IMMP1L: variants seen among roughly 807,000 people sequenced by gnomAD.
IMMP1L encodes inner mitochondrial membrane peptidase subunit 1.
IMMP1L carries 24 observed loss-of-function variants against 21.8 expected under a neutral mutation model. That is an observed-to-expected ratio of 1.10 (90% confidence interval 0.80 to 1.55). The LOEUF (loss-of-function observed/expected upper bound fraction) is 1.55, where lower values mean the gene tolerates loss of function less well. IMMP1L is among the 40% of genes most tolerant of loss of function. The pLI is 0.00. For synonymous variants in IMMP1L, 46 were observed against 62.8 expected, an observed-to-expected ratio of 0.73 and a Z score of 1.26; for missense variants, 195 against 200.7, an observed-to-expected ratio of 0.97 and a Z score of 0.17.
At chr11:31,449,212 T>C in intron 4 of IMMP1L, 1 of 315,346 alleles carries the variant, frequency 3.2e-6, no homozygotes, top group Non-Finnish European at 4.6e-6. Flanking sequence ...ACACAAGCCC[T>C]TTCAATCTGA....
intron 4 of IMMP1L, among the ~76,000 whole-genome samples, chr11:31,436,167 C>G (rs187588832): frequency 1.3e-5 from 2 of 152,030 alleles, no homozygotes; most frequent in East Asian, 1.9e-4. Flanking sequence ...AAACATTTTT[C>G]CCAATCTATT....
At chr11:31,489,915 T>G (rs1406140890) in intron 1 of IMMP1L, among the ~76,000 whole-genome samples, 2 of 152,228 alleles carry the variant, frequency 1.3e-5, no homozygotes, top group Non-Finnish European at 2.9e-5. Context: ...TAAATTGTAT[T>G]TGTTATTCAT....
At chr11:31,496,726 C>T (rs905732247) in intron 1 of IMMP1L, among the ~76,000 whole-genome samples, 1 of 148,214 alleles carries the variant, frequency 6.7e-6, no homozygotes, top group African/African-American at 2.5e-5. Context: ...CATCCTAATG[C>T]TAAATGATGT....
At chr11:31,434,538 T>G (rs1165538844) in intron 4 of IMMP1L, among the ~76,000 whole-genome samples, 1 of 152,156 alleles carries the variant, frequency 6.6e-6, no homozygotes, top group East Asian at 1.9e-4. Context: ...TTTGACTGGT[T>G]TTACTTGTAA....
intron 1 of IMMP1L, among the ~76,000 whole-genome samples, chr11:31,464,053 C>T (rs1342803928): frequency 6.6e-6 from 1 of 151,996 alleles, no homozygotes; most frequent in Non-Finnish European, 1.5e-5. Context: ...ATGTATCATG[C>T]ATTTCTTAAC....
At chr11:31,453,077 C>T (rs1356654617) in intron 4 of IMMP1L, 1 of 1,289,382 alleles carries the variant, frequency 7.8e-7, no homozygotes, top group African/African-American at 1.5e-5. Flanking sequence ...ATAGGAACTG[C>T]TTAGTTTCCA....
intron 1 of IMMP1L, among the ~76,000 whole-genome samples, chr11:31,493,729 G>C (rs2133799925): frequency 6.6e-6 from 1 of 152,300 alleles, no homozygotes; most frequent in Non-Finnish European, 1.5e-5. Flanking sequence ...GATACAACAA[G>C]GGTACAAGCG....
chr11:31,440,713 T>C (rs958655088), intron 4 of IMMP1L, among the ~76,000 whole-genome samples: 1 of 152,174 alleles, frequency 6.6e-6, no homozygotes, highest in African/African-American at 2.4e-5. Context: ...TTTAGCATAC[T>C]TGCAACAATA....
chr11:31,491,913 T>G (rs1565008492), intron 1 of IMMP1L, among the ~76,000 whole-genome samples: 1 of 152,208 alleles, frequency 6.6e-6, no homozygotes, highest in African/African-American at 2.4e-5. Context: ...TATAAACACA[T>G]GTGCTGTCAC....
chr11:31,481,164 T>C (rs2133752334), intron 1 of IMMP1L, among the ~76,000 whole-genome samples: 1 of 152,252 alleles, frequency 6.6e-6, no homozygotes, highest in East Asian at 1.9e-4. Context: ...GTTCAGCAGA[T>C]GACAGCCAAA....
chr11:31,474,990 C>T (rs551464254), intron 1 of IMMP1L, among the ~76,000 whole-genome samples: 35 of 152,180 alleles, frequency 2.3e-4, no homozygotes, highest in African/African-American at 8.2e-4. Context: ...AGGACTTTGT[C>T]CTGTCCTTTA....
chr11:31,491,028 A>G (rs1298564877), intron 1 of IMMP1L, among the ~76,000 whole-genome samples: 2 of 152,156 alleles, frequency 1.3e-5, no homozygotes, highest in African/African-American at 4.8e-5. Flanking sequence ...TTCATAATAA[A>G]CATAGCTGAC....
chr11:31,489,265 T>A (rs1955180389), intron 1 of IMMP1L, among the ~76,000 whole-genome samples: 1 of 152,216 alleles, frequency 6.6e-6, no homozygotes, highest in African/African-American at 2.4e-5. Flanking sequence ...CTTTTCAGTG[T>A]CTGCCACAAA....
intron 1 of IMMP1L, among the ~76,000 whole-genome samples, chr11:31,488,969 T>C (rs1035333391): frequency 6.6e-6 from 1 of 152,096 alleles, no homozygotes; most frequent in Admixed American, 6.6e-5. Flanking sequence ...CAATCTCGGC[T>C]CACTGCAAGC....
chr11:31,438,425 T>TCTTTG (rs1398791371), intron 4 of IMMP1L, among the ~76,000 whole-genome samples: 4 of 152,150 alleles, frequency 2.6e-5, no homozygotes, highest in African/African-American at 9.7e-5. Context: ...TTACCATGGA[T>TCTTTG]ACAAGTCCTT....
chr11:31,494,821 A>G (rs1413925817), intron 1 of IMMP1L, among the ~76,000 whole-genome samples: 1 of 151,866 alleles, frequency 6.6e-6, no homozygotes, highest in Admixed American at 6.6e-5. Context: ...AATTTTTTGT[A>G]TTTTTAGTAG....
chr11:31,478,113 T>C (rs1326595969), intron 1 of IMMP1L, among the ~76,000 whole-genome samples: 1 of 152,202 alleles, frequency 6.6e-6, no homozygotes, highest in Non-Finnish European at 1.5e-5. Context: ...TAGGTGAAGA[T>C]TAGAACTTTG....
At chr11:31,497,114 T>C (rs1159162653) in intron 1 of IMMP1L, among the ~76,000 whole-genome samples, 1 of 151,506 alleles carries the variant, frequency 6.6e-6, no homozygotes, top group Non-Finnish European at 1.5e-5. Context: ...TTCAACCTTA[T>C]AATGGGTTTA....
chr11:31,486,054 T>C (rs912026139), intron 1 of IMMP1L, among the ~76,000 whole-genome samples: 12 of 151,140 alleles, frequency 7.9e-5, no homozygotes, highest in African/African-American at 2.9e-4. Flanking sequence ...AACTTTTTTT[T>C]CCCTTTTTTT....
Sources: allele counts gnomAD v4.1 joint callset (sites outside exome capture counted in the v4.1 genomes callset), GRCh38; gene constraint gnomAD v4.1.1; transcripts MANE v1.5; gene names NCBI Gene and HGNC (gene_info 2026-07-23, HGNC 2026-07-21).